Variants in TMEFF2 observed in about 807,000 individuals in gnomAD.
TMEFF2 encodes transmembrane protein with EGF like and two follistatin like domains 2, also known as tomoregulin-2.
In TMEFF2, 28 loss-of-function variants were observed where a neutral mutation model predicts 53.8. The ratio of observed to expected loss-of-function variants is 0.52; its 90% CI spans 0.39 to 0.71. The LOEUF (loss-of-function observed/expected upper bound fraction) is 0.71, where lower values mean the gene tolerates loss of function less well. Ranked by LOEUF, TMEFF2 falls within the 30% of genes least tolerant of loss-of-function variation. The pLI, the probability that TMEFF2 is intolerant of heterozygous loss-of-function variation, is 0.00. For synonymous variants in TMEFF2, 162 were observed against 166.3 expected (o/e 0.97, Z 0.20); for missense variants, 353 against 455.2 (o/e 0.78, Z 2.04).
chr2:191,994,613 C>T (rs926945510), intron 7 of TMEFF2, among the ~76,000 whole-genome samples: 1 of 151,630 alleles, frequency 6.6e-6, no homozygotes, highest in Non-Finnish European at 1.5e-5. Context: ...GAAAATGTTG[C>T]AAATTTCAAG....
chr2:192,006,782 GACTGGGTTGCA>G (rs1384109405), intron 5 of TMEFF2, among the ~76,000 whole-genome samples: 5 of 152,162 alleles, frequency 3.3e-5, no homozygotes, highest in Admixed American at 2.6e-4. Context: ...AAAACCAGAT[GACTGGGTTGCA>G]ACTCAGAGAT....
At chr2:191,964,362 T>G (rs1466253489) in intron 7 of TMEFF2, among the ~76,000 whole-genome samples, 1 of 101,004 alleles carries the variant, frequency 9.9e-6, no homozygotes, top group African/African-American at 4.5e-5. Flanking sequence ...CTTTCTTTCT[T>G]TCTTTCTTTC....
At chr2:192,057,556 T>G (rs960198846) in intron 5 of TMEFF2, 123 bp downstream of exon 5, 1 of 903,910 alleles carries the variant, frequency 1.1e-6, no homozygotes, top group East Asian at 2.6e-5. Context: ...TTTTTTTCAC[T>G]TGGGAACTGA....
At chr2:192,113,140 T>A (rs545895376) in intron 4 of TMEFF2, among the ~76,000 whole-genome samples, 1 of 152,340 alleles carries the variant, frequency 6.6e-6, no homozygotes, top group African/African-American at 2.4e-5. Context: ...TTAAAATTAA[T>A]ATTATGAATA....
intron 7 of TMEFF2, among the ~76,000 whole-genome samples, chr2:191,990,199 T>C (rs1181192760): frequency 6.6e-6 from 1 of 152,174 alleles, no homozygotes; most frequent in Non-Finnish European, 1.5e-5. Flanking sequence ...GGAAACAAAC[T>C]ACAACCATGA....
At chr2:192,127,607 G>A (rs561725094) in intron 4 of TMEFF2, among the ~76,000 whole-genome samples, 14 of 152,290 alleles carry the variant, frequency 9.2e-5, no homozygotes, top group Non-Finnish European at 1.9e-4. Context: ...TTGAAAAATT[G>A]TGCTTCAACA....
chr2:192,003,925 G>A (rs959848221), intron 5 of TMEFF2, among the ~76,000 whole-genome samples: 13 of 128,542 alleles, frequency 1.0e-4, no homozygotes, highest in African/African-American at 4.3e-4. Context: ...TTGTGTGTGT[G>A]TGTGGGGGGG....
rs944173674 is a variant in TMEFF2, at chr2:192,117,948, T to C, written c.440-60173A>G. Among the ~76,000 whole-genome samples, 4 of 119,468 alleles carry C rather than the reference T, an allele frequency of 3.3e-5. 1 individual carries two copies. The highest frequency in any genetic ancestry group is 1.6e-4 in the African/African-American group (4 of 25,126). The allele number at this position is 119,468 out of a possible 152,430, so 78.4% of individuals were successfully genotyped here. Reference sequence around the variant, plus strand: ...CCCACTCTGTGGAGTGTACTTTTGTTTCAATAAATCGGTGCTTTTCTTTCA... The same window carrying C: ...CCCACTCTGTGGAGTGTACTTTTGTCTCAATAAATCGGTGCTTTTCTTTCA... On this transcript the variant is annotated intron_variant, in intron 4 of 9. Coordinates refer to ENST00000272771, the MANE Select transcript of TMEFF2 (RefSeq NM_016192.4).
Position 192,134,438 on chromosome 2 carries a change from G to A in TMEFF2, c.439+45230C>T, listed in dbSNP as rs13392671. On this transcript the variant is annotated intron_variant, in intron 4 of 9. Transcript: ENST00000272771. ...GGCCTAATCGCCACACACCAGCAAA[G>A]GCAGGCCATGCTATAATACAAGCCA... Among the ~76,000 whole-genome samples, 1,389 of 152,300 alleles carry A rather than the reference G, an allele frequency of 9.1e-3. 18 individuals carry two copies. The highest frequency in any genetic ancestry group is 0.032 in the African/African-American group (1,311 of 41,570).
intron 4 of TMEFF2, among the ~76,000 whole-genome samples, chr2:192,146,200 C>T (rs1191054263): frequency 6.6e-6 from 1 of 151,968 alleles, no homozygotes. Flanking sequence ...AAAAGTCTTT[C>T]TAGTTAGGAG....
At chr2:192,005,980 C>G (rs1426721773) in intron 5 of TMEFF2, among the ~76,000 whole-genome samples, 1 of 151,526 alleles carries the variant, frequency 6.6e-6, no homozygotes, top group Non-Finnish European at 1.5e-5. Flanking sequence ...AAATTAAACC[C>G]TGTATTCAAA....
intron 7 of TMEFF2, among the ~76,000 whole-genome samples, chr2:191,974,963 GATTA>G (rs1355358008): frequency 3.9e-5 from 6 of 151,956 alleles, no homozygotes; most frequent in South Asian, 2.1e-4. Context: ...GTTACAAAGA[GATTA>G]ATTAATTATA....
chr2:191,981,403 C>G (rs773913270), intron 7 of TMEFF2, among the ~76,000 whole-genome samples: 17 of 152,146 alleles, frequency 1.1e-4, no homozygotes, highest in Non-Finnish European at 2.5e-4. Context: ...TCTTGACTTC[C>G]CTTGTTGCCA....
At chr2:192,150,238 T>G (rs558445801) in intron 4 of TMEFF2, among the ~76,000 whole-genome samples, 2 of 152,024 alleles carry the variant, frequency 1.3e-5, no homozygotes, top group African/African-American at 4.8e-5. Flanking sequence ...CAAACAAGGA[T>G]AGTGACACAC....
chr2:192,178,927 T>C (rs1691117000), intron 4 of TMEFF2: 1 of 151,264 alleles, frequency 6.6e-6, no homozygotes, highest in Non-Finnish European at 1.5e-5. Context: ...AGTCTAATTT[T>C]GTTTGAATTT....
chr2:192,161,991 AC>A (rs1690645338), intron 4 of TMEFF2, among the ~76,000 whole-genome samples: 2 of 152,316 alleles, frequency 1.3e-5, no homozygotes, highest in Admixed American at 1.3e-4. Context: ...GGTGCTGACA[AC>A]TCAAAGGACA....
intron 4 of TMEFF2, among the ~76,000 whole-genome samples, chr2:192,108,995 T>C (rs13422308): frequency 0.077 from 11,727 of 152,014 alleles, 578 homozygotes; most frequent in East Asian, 0.2. Context: ...GGTAAATTCA[T>C]AGAGACAGAA....
At chr2:192,189,773 T>C (rs1349732163) in intron 2 of TMEFF2, among the ~76,000 whole-genome samples, 1 of 152,128 alleles carries the variant, frequency 6.6e-6, no homozygotes, top group Non-Finnish European at 1.5e-5. Flanking sequence ...TTATTCTTCA[T>C]GCAACTTATA....
At chr2:191,971,759 C>T (rs1692646329) in intron 7 of TMEFF2, among the ~76,000 whole-genome samples, 1 of 152,014 alleles carries the variant, frequency 6.6e-6, no homozygotes, top group African/African-American at 2.4e-5. Flanking sequence ...GTTAAATAGA[C>T]AGTTTCTCTC....
Sources: gnomAD v4.1 joint callset for allele counts (sites outside exome capture counted in the v4.1 genomes callset) on GRCh38, gnomAD v4.1.1 for gene constraint, MANE v1.5 for transcripts, NCBI Gene and HGNC (gene_info 2026-07-23, HGNC 2026-07-21) for gene names.